The following SPATA6 variants were observed in gnomAD, a reference collection of about 807,000 sequenced individuals.
The protein encoded by SPATA6 is spermatogenesis associated 6.
In SPATA6, 56 loss-of-function variants were observed where a neutral mutation model predicts 65.3. That is an observed-to-expected ratio of 0.86 (90% CI 0.69 to 1.07). The LOEUF is 1.07. Ranked by LOEUF, SPATA6 falls within the 50% of genes least tolerant of loss-of-function variation. SPATA6 has a pLI of 0.00. For missense variants in SPATA6, 590 were observed against 594.8 expected (o/e 0.99, Z 0.08); for synonymous variants, 199 against 213.2 (o/e 0.93, Z 0.58).
At chr1:48,407,171 AG>A (rs964528266) in intron 5 of SPATA6, among the ~76,000 whole-genome samples, 3 of 152,188 alleles carry the variant, frequency 2.0e-5, no homozygotes, top group African/African-American at 7.2e-5. Flanking sequence ...GTGAACCCAT[AG>A]GAGTCCTACC....
intron 8 of SPATA6, among the ~76,000 whole-genome samples, chr1:48,388,232 C>T (rs1037721188): frequency 6.6e-6 from 1 of 151,416 alleles, no homozygotes; most frequent in Non-Finnish European, 1.5e-5. Flanking sequence ...ACGGATGCTG[C>T]TTATAAACAA....
chr1:48,261,723 T>A, the SPATA6 span, among the ~76,000 whole-genome samples: 4 of 152,208 alleles, frequency 2.6e-5, no homozygotes, highest in South Asian at 8.3e-4. Context: ...ATTTCCCCAA[T>A]CTTCACATTT....
chr1:48,371,260 T>G (rs1038657138), intron 9 of SPATA6, among the ~76,000 whole-genome samples: 2 of 137,174 alleles, frequency 1.5e-5, no homozygotes, highest in African/African-American at 5.3e-5. Context: ...ATTCATTGAA[T>G]ATGTATCTAT....
intron 10 of SPATA6, 134 bp from the exon 11 acceptor site, chr1:48,355,903 A>G: frequency 1.8e-6 from 1 of 565,768 alleles, no homozygotes; most frequent in South Asian, 2.7e-5. Context: ...GAACATACCT[A>G]TATATCTGAC....
intron 3 of SPATA6, among the ~76,000 whole-genome samples, chr1:48,429,237 C>T (rs1157376026): frequency 6.6e-6 from 1 of 152,088 alleles, no homozygotes; most frequent in Non-Finnish European, 1.5e-5. Context: ...TTGCACCTCA[C>T]CCCATTGTTG....
chr1:48,431,022 G>A (rs756763449), intron 3 of SPATA6, among the ~76,000 whole-genome samples: 31 of 152,052 alleles, frequency 2.0e-4, no homozygotes, highest in Non-Finnish European at 3.4e-4. Context: ...CTGTCTACAA[G>A]GCGCTCATTT....
chr1:48,428,809 G>A (rs2803278), intron 3 of SPATA6, among the ~76,000 whole-genome samples: 16,220 of 137,420 alleles, frequency 0.12, 1,094 homozygotes, highest in East Asian at 0.24. Context: ...GTGTGTGTGT[G>A]TATATGTATA....
At chr1:48,436,854 A>G (rs1654988883) in intron 3 of SPATA6, 1 of 1,612,684 alleles carries the variant, frequency 6.2e-7, no homozygotes, top group Non-Finnish European at 8.5e-7. Flanking sequence ...TTTTCCCTCA[A>G]TCAGAATCCA....
intron 1 of SPATA6, among the ~76,000 whole-genome samples, chr1:48,464,641 T>C (rs1253262697): frequency 2.6e-5 from 4 of 152,138 alleles, no homozygotes; most frequent in African/African-American, 7.2e-5. Context: ...ACAAATTGGT[T>C]AGACATAAAA....
At chr1:48,314,801 T>C (rs918607613) in intron 11 of SPATA6, among the ~76,000 whole-genome samples, 16 of 151,794 alleles carry the variant, frequency 1.1e-4, no homozygotes, top group Admixed American at 1.3e-4. Context: ...CTAGCAACAC[T>C]AATAAAGAAG....
chr1:48,275,618 TTC>T, the SPATA6 span, among the ~76,000 whole-genome samples: 2 of 152,354 alleles, frequency 1.3e-5, no homozygotes, highest in South Asian at 4.1e-4. Context: ...TTGTCATTGT[TTC>T]TGTTTCTGTG....
the SPATA6 span, among the ~76,000 whole-genome samples, chr1:48,282,776 G>A: frequency 5.9e-5 from 9 of 152,098 alleles, no homozygotes; most frequent in Non-Finnish European, 1.3e-4. Flanking sequence ...TCAGTGTGGC[G>A]ATTCCTCAAG....
At chr1:48,280,082 A>G in the SPATA6 span, among the ~76,000 whole-genome samples, 1 of 152,216 alleles carries the variant, frequency 6.6e-6, no homozygotes, top group African/African-American at 2.4e-5. Flanking sequence ...CTGAATGACT[A>G]CTGGGTACAT....
intron 11 of SPATA6, among the ~76,000 whole-genome samples, chr1:48,319,758 T>A (rs72891556): frequency 0.014 from 2,200 of 152,180 alleles, 52 homozygotes; most frequent in African/African-American, 0.05. Context: ...GCGAGCCACC[T>A]GGAGATTGTG....
intron 11 of SPATA6, among the ~76,000 whole-genome samples, chr1:48,328,936 A>C (rs1305157594): frequency 2.0e-5 from 3 of 152,162 alleles, no homozygotes; most frequent in African/African-American, 7.2e-5. Flanking sequence ...CACCATAATA[A>C]ACATGAAATA....
chr1:48,269,276 A>G, the SPATA6 span, among the ~76,000 whole-genome samples: 1 of 152,176 alleles, frequency 6.6e-6, no homozygotes, highest in African/African-American at 2.4e-5. Flanking sequence ...TGACCATTTA[A>G]TGAACACCAT....
At chr1:48,392,565 GAGCTAGA>G (rs1280779941) in intron 8 of SPATA6, among the ~76,000 whole-genome samples, 2 of 151,960 alleles carry the variant, frequency 1.3e-5, no homozygotes, top group African/African-American at 2.4e-5. Context: ...AGAAAAGAAG[GAGCTAGA>G]AGCTAGAAGA....
chr1:48,397,210 G>A (rs1177697924), intron 7 of SPATA6, among the ~76,000 whole-genome samples: 2 of 151,664 alleles, frequency 1.3e-5, no homozygotes, highest in Non-Finnish European at 3.0e-5. Flanking sequence ...GGGAAGGAAG[G>A]AATGCAGAGT....
At chr1:48,280,764 A>G in the SPATA6 span, among the ~76,000 whole-genome samples, 2 of 152,150 alleles carry the variant, frequency 1.3e-5, no homozygotes, top group Non-Finnish European at 2.9e-5. Flanking sequence ...ACAAGGAGGA[A>G]CTGGTACCAT....
Sources: gnomAD v4.1 joint callset for allele counts (sites outside exome capture counted in the v4.1 genomes callset) on GRCh38, gnomAD v4.1.1 for gene constraint, MANE v1.5 for transcripts, NCBI Gene and HGNC (gene_info 2026-07-23, HGNC 2026-07-21) for gene names.